The following ZBTB1 variants were observed in gnomAD, a reference collection of about 807,000 sequenced individuals.
ZBTB1 encodes the protein zinc finger and BTB domain-containing protein 1.
ZBTB1 carries 13 observed loss-of-function variants against 51.6 expected under a neutral mutation model. The ratio of observed to expected loss-of-function variants is 0.25; its 90% CI spans 0.16 to 0.40. ZBTB1 has a LOEUF of 0.40. ZBTB1 is among the 10% of genes least tolerant of loss of function. The pLI is 1.00. For synonymous variants in ZBTB1, 240 were observed against 282.2 expected, an observed-to-expected ratio of 0.85 and a Z score of 1.50; for missense variants, 567 against 856.5, an observed-to-expected ratio of 0.66 and a Z score of 4.22.
chr14:64,532,033 G>T (rs772353721), exon 3 of ZBTB1: 2 of 1,048,970 alleles, frequency 1.9e-6, no homozygotes, highest in African/African-American at 3.3e-5. Context: ...AACCCAAAAA[G>T]TTCCAGTTGC....
rs1160337478 is a variant in ZBTB1, at chr14:64,517,781, A to ATATATTT, written c.-18-3705_-18-3704insATATTTT. Among the ~76,000 whole-genome samples, 6 of 41,562 alleles carry ATATATTT rather than the reference A, an allele frequency of 1.4e-4. No homozygotes were observed. The East Asian group carries it at 3.1e-3, about 22-fold the overall frequency. The allele number at this position is 41,562 out of a possible 152,430, so 27.3% of individuals were successfully genotyped here. Reference sequence around the variant, plus strand: ...AATATATATATATATATATATATATATTTTTTTTTTTTTTTTTTTTTTGAG... The same window carrying ATATATTT: ...AATATATATATATATATATATATATATATATTTTTTTTTTTTTTTTTTTTTTTTTGAG... On this transcript the variant is annotated intron_variant, in intron 1 of 1. Transcript: ENST00000683701.
intron 1 of ZBTB1, chr14:64,514,450 T>TAAG (rs2079759235): frequency 1.3e-5 from 2 of 152,212 alleles, no homozygotes; most frequent in Non-Finnish European, 2.9e-5. Flanking sequence ...AAGTTACTTC[T>TAAG]TTATTCATTG....
At chr14:64,511,629 A>G (rs1419764996) in intron 1 of ZBTB1, among the ~76,000 whole-genome samples, 2 of 152,192 alleles carry the variant, frequency 1.3e-5, no homozygotes, top group Non-Finnish European at 2.9e-5. Flanking sequence ...TCAATTTTCA[A>G]TGAGTTTTTG....
intron 1 of ZBTB1, among the ~76,000 whole-genome samples, chr14:64,508,278 T>C (rs930080732): frequency 6.6e-6 from 1 of 152,210 alleles, no homozygotes; most frequent in Non-Finnish European, 1.5e-5. Flanking sequence ...AGATTTTCTT[T>C]TGTCTATATG....
At position 64,522,200 on chromosome 14, in the gene ZBTB1, T is replaced by A; in HGVS notation, c.696T>A (p.Asp232Glu). The A allele has an allele frequency of 6.2e-7, 1 of 1,614,240 alleles. No individual in the cohort carries two copies. Among genetic ancestry groups the A allele is most frequent in the Non-Finnish European group, 8.5e-7 (1 of 1,180,038 alleles). Residue 232 changes from aspartate to glutamate, a missense_variant, in exon 2 of 2, where the codon GAT (aspartate) becomes GAA (glutamate). Asp to Glu is a conservative substitution (Grantham distance 45, BLOSUM62 2). Coordinates refer to ENST00000683701, the MANE Select transcript of ZBTB1 (RefSeq NM_001123329.2). ...GCTTTAGCTGTGAAAAATTATTAGA[T>A]GAGCATGTGCTAACCTGTACTAACA... is the stretch of plus-strand genomic sequence containing the variant. ...GFGFSCEKLL[D>E]EHVLTCTNRH...
At chr14:64,513,113 CAT>C (rs1368709105) in intron 1 of ZBTB1, among the ~76,000 whole-genome samples, 2 of 151,700 alleles carry the variant, frequency 1.3e-5, no homozygotes, top group African/African-American at 2.4e-5. Flanking sequence ...CATACATACA[CAT>C]AAAATGATAC....
intron 1 of ZBTB1, among the ~76,000 whole-genome samples, chr14:64,509,963 C>T (rs758595154): frequency 1.4e-5 from 2 of 145,636 alleles, no homozygotes; most frequent in Admixed American, 7.0e-5. Flanking sequence ...GGTGACAGAG[C>T]GAGACTCCGT....
chr14:64,523,860 T>C lies in ZBTB1; in HGVS notation c.*214T>C, dbSNP rs1288910440. ...TTGTTTCTTAATAGAATTATTTGTT[T>C]TTAGTTTTTCTTAGCTATGATTAAA... On this transcript the variant is annotated 3_prime_UTR_variant, in exon 2 of 2. Transcript: ENST00000683701. The surrounding 1 kb of genome is among the most constrained non-coding windows in gnomAD (Gnocchi z 4.5). The C allele has an allele frequency of 6.8e-5, 85 of 1,241,964 alleles. No homozygotes were observed. Among genetic ancestry groups the C allele is most frequent in the Non-Finnish European group, 8.4e-5 (82 of 977,178 alleles). 76.9% of individuals were successfully genotyped at this position (1,241,964 alleles called of 1,614,324 possible).
downstream of ZBTB1, among the ~76,000 whole-genome samples, chr14:64,528,281 T>C (rs955604002): frequency 6.6e-6 from 1 of 151,520 alleles, no homozygotes. Flanking sequence ...AATAAAGAAA[T>C]CTGGTATACC....
At chr14:64,517,668 A>G (rs2079800832) in intron 1 of ZBTB1, among the ~76,000 whole-genome samples, 1 of 148,596 alleles carries the variant, frequency 6.7e-6, no homozygotes, top group Non-Finnish European at 1.5e-5. Flanking sequence ...TTTGTTTTAT[A>G]TAATTCTAAC....
Position 64,523,928 on chromosome 14 carries a change from A to C in ZBTB1, c.*282A>C. ...ACAAGTGGTTGTTACCCATTCAATG[A>C]CTATTAAACTTTAGTTTTTCATCAA... On this transcript the variant is annotated 3_prime_UTR_variant, in exon 2 of 2. Transcript: ENST00000683701. This position sits in a 1 kb window ranked among gnomAD's most constrained non-coding sequence, Gnocchi z 4.5. 9.2e-7 allele frequency: 1 copy of C among 1,081,592 alleles called. No individual in the cohort carries two copies. Among genetic ancestry groups the C allele is most frequent in the Non-Finnish European group, 1.1e-6 (1 of 884,660 alleles). The allele number at this position is 1,081,592 out of a possible 1,614,324, so 67.0% of individuals were successfully genotyped here. A position where few individuals can be genotyped will look rare whatever the true frequency, so the allele number is the denominator to read the frequency against.
chr14:64,509,230 C>T (rs746835200), intron 1 of ZBTB1, among the ~76,000 whole-genome samples: 8 of 152,090 alleles, frequency 5.3e-5, no homozygotes, highest in Non-Finnish European at 1.2e-4. Context: ...GTTAGCTGGG[C>T]GTGGTGCCGC....
At chr14:64,510,244 G>A (rs754717986) in intron 1 of ZBTB1, among the ~76,000 whole-genome samples, 1 of 152,132 alleles carries the variant, frequency 6.6e-6, no homozygotes, top group Non-Finnish European at 1.5e-5. Flanking sequence ...AGGTAGAAAG[G>A]ATTACCATCC....
At chr14:64,520,909 C>A (rs1213537052) in intron 1 of ZBTB1, among the ~76,000 whole-genome samples, 4 of 150,430 alleles carry the variant, frequency 2.7e-5, no homozygotes, top group African/African-American at 7.3e-5. Flanking sequence ...GTCATCCAGA[C>A]TGGAGTGCAG....
Position 64,522,877 on chromosome 14 carries a change from T to C in ZBTB1, c.1373T>C (p.Val458Ala). The change falls in exon 2 of 2, where the codon GTA becomes GCA. Residue 458 changes from valine to alanine, a missense_variant. Transcript: ENST00000683701. ...CACGKCGQIL[V>A]KGRQLQEHAQ... ...TGTGGTAAATGTGGACAAATACTTG[T>C]AAAGGGTAGGCAGCTTCAGGAACAT... 1.2e-6 allele frequency: 2 copies of C among 1,614,122 alleles called. No homozygotes were observed. Among genetic ancestry groups the C allele is most frequent in the Middle Eastern group, 1.6e-4 (1 of 6,062 alleles).
chr14:64,517,781 A>ATATATATATATATATATATATATTTTTTT (rs1160337478), intron 1 of ZBTB1, among the ~76,000 whole-genome samples: 1 of 41,550 alleles, frequency 2.4e-5, no homozygotes, highest in African/African-American at 8.9e-5. Flanking sequence ...ATATATATAT[A>ATATATATATATATATATATATATTTTTTT]TTTTTTTTTT....
chr14:64,517,790 T>A (rs1194738426), intron 1 of ZBTB1, among the ~76,000 whole-genome samples: 3 of 129,478 alleles, frequency 2.3e-5, no homozygotes, highest in African/African-American at 5.7e-5. Flanking sequence ...TATTTTTTTT[T>A]TTTTTTTTTT....
Position 64,524,247 on chromosome 14 carries a change from A to G in ZBTB1, c.*601A>G. 1 of 975,626 alleles carries G rather than the reference A, an allele frequency of 1.0e-6. No homozygotes were observed. The allele number at this position is 975,626 out of a possible 1,614,324, so 60.4% of individuals were successfully genotyped here. A position where few individuals can be genotyped will look rare whatever the true frequency, so the allele number is the denominator to read the frequency against. On this transcript the variant is annotated 3_prime_UTR_variant, in exon 2 of 2. Coordinates refer to ENST00000683701, the MANE Select transcript of ZBTB1 (RefSeq NM_001123329.2). ...TAAAAAGATTGATGAACCTGAGGAA[A>G]TTTTTATAAATGAATATTTCCTATA...
At chr14:64,532,070 T>A in exon 3 of ZBTB1, 1 of 657,518 alleles carries the variant, frequency 1.5e-6, no homozygotes, top group African/African-American at 1.8e-5. Context: ...TCAGTAAAGA[T>A]CACTTTGGAA....
Sources: gnomAD v4.1 joint callset for allele counts (sites outside exome capture counted in the v4.1 genomes callset) on GRCh38, gnomAD v4.1.1 for gene constraint, Gnocchi (gnomAD v3.1) non-coding constraint, MANE v1.5 for transcripts, NCBI Gene and HGNC (gene_info 2026-07-23, HGNC 2026-07-21) for gene names.